SHANK2: variants seen among roughly 807,000 people sequenced by gnomAD.
SHANK2 encodes SH3 and multiple ankyrin repeat domains protein 2.
A neutral mutation model predicts 133.7 loss-of-function variants in SHANK2; 43 were observed. That is an observed-to-expected ratio of 0.32 (90% CI 0.25 to 0.41). The LOEUF (loss-of-function observed/expected upper bound fraction) is 0.41, where lower values mean the gene tolerates loss of function less well. SHANK2 is among the 10% of genes least tolerant of loss of function. The pLI is 1.00. For synonymous variants in SHANK2, 1,017 were observed against 952.8 expected (o/e 1.07, Z -1.24); for missense variants, 1,994 against 2,235.8 (o/e 0.89, Z 2.18).
At chr11:71,112,474 C>T (rs1951905043) in intron 5 of SHANK2, among the ~76,000 whole-genome samples, 1 of 152,198 alleles carries the variant, frequency 6.6e-6, no homozygotes, top group South Asian at 2.1e-4. Flanking sequence ...ATCCTGCTGG[C>T]TGAGAAAGCC....
At chr11:70,873,269 T>C in intron 11 of SHANK2, 1 of 389,362 alleles carries the variant, frequency 2.6e-6, no homozygotes, top group Non-Finnish European at 5.3e-6. Context: ...ATTAACATCC[T>C]CTGACAAAAC....
chr11:71,250,027 T>C (rs1555125570), intron 1 of SHANK2, among the ~76,000 whole-genome samples: 1 of 152,126 alleles, frequency 6.6e-6, no homozygotes, highest in Non-Finnish European at 1.5e-5. Context: ...ATGAAAATCT[T>C]GAAACTCACC....
intron 14 of SHANK2, among the ~76,000 whole-genome samples, chr11:70,742,936 CGGCTCCT>C (rs1256301805): frequency 6.6e-6 from 1 of 152,222 alleles, no homozygotes; most frequent in Non-Finnish European, 1.5e-5. Context: ...TTTGATGAGC[CGGCTCCT>C]GGCCTGGCGT....
At chr11:70,719,439 G>A (rs974143850) in intron 14 of SHANK2, among the ~76,000 whole-genome samples, 2 of 152,190 alleles carry the variant, frequency 1.3e-5, no homozygotes, top group Non-Finnish European at 2.9e-5. Context: ...GGTTGCTGGG[G>A]ATGAGGATGG....
chr11:70,806,125 G>A (rs533146032), intron 13 of SHANK2, among the ~76,000 whole-genome samples: 2 of 152,318 alleles, frequency 1.3e-5, no homozygotes, highest in South Asian at 4.1e-4. Flanking sequence ...GATTTGAACC[G>A]GGCCTACTGA....
At chr11:70,664,470 C>G (rs1002981361) in intron 15 of SHANK2, among the ~76,000 whole-genome samples, 7 of 152,196 alleles carry the variant, frequency 4.6e-5, no homozygotes, top group Admixed American at 1.3e-4. Context: ...TGACCGCCTC[C>G]CTGAAACCCT....
At chr11:71,250,512 G>T (rs1555125669) in intron 1 of SHANK2, among the ~76,000 whole-genome samples, 3 of 152,138 alleles carry the variant, frequency 2.0e-5, no homozygotes, top group Non-Finnish European at 4.4e-5. Flanking sequence ...AGACACGACG[G>T]CTTTCCCTCA....
At chr11:71,166,477 TTTTTC>T (rs1308047599) in intron 2 of SHANK2, among the ~76,000 whole-genome samples, 1 of 148,448 alleles carries the variant, frequency 6.7e-6, no homozygotes, top group African/African-American at 2.5e-5. Context: ...ACACGTCTTT[TTTTTC>T]TTTTCTTTTT....
intron 1 of SHANK2, among the ~76,000 whole-genome samples, chr11:71,245,723 C>A (rs1954952252): frequency 6.6e-6 from 1 of 152,236 alleles, no homozygotes; most frequent in Non-Finnish European, 1.5e-5. Flanking sequence ...AAGTCCAGAA[C>A]CAAGACGAGG....
At chr11:70,717,992 A>C (rs928592273) in intron 14 of SHANK2, among the ~76,000 whole-genome samples, 2 of 152,194 alleles carry the variant, frequency 1.3e-5, no homozygotes, top group Non-Finnish European at 2.9e-5. Flanking sequence ...CACAAGTTGT[A>C]AGCCCCAGAC....
intron 17 of SHANK2, among the ~76,000 whole-genome samples, chr11:70,597,915 A>C (rs531885191): frequency 1.3e-5 from 2 of 152,324 alleles, no homozygotes; most frequent in Non-Finnish European, 2.9e-5. Flanking sequence ...GGCAGGATCC[A>C]GACCCCTTCA....
chr11:70,609,110 G>A (rs1393229120), intron 17 of SHANK2, among the ~76,000 whole-genome samples: 1 of 152,222 alleles, frequency 6.6e-6, no homozygotes, highest in Non-Finnish European at 1.5e-5. Flanking sequence ...GTTTGTTCAC[G>A]GACCTGTGGC....
chr11:71,200,829 A>AAC (rs1181515704), intron 2 of SHANK2, among the ~76,000 whole-genome samples: 2 of 111,962 alleles, frequency 1.8e-5, no homozygotes, highest in East Asian at 5.7e-4. Flanking sequence ...AGTCTCAATT[A>AAC]ATACACACAC....
intron 1 of SHANK2, among the ~76,000 whole-genome samples, chr11:71,233,661 G>A (rs566116490): frequency 5.3e-5 from 8 of 152,276 alleles, no homozygotes; most frequent in Non-Finnish European, 8.8e-5. Flanking sequence ...TAAGAAATCC[G>A]CAACTGGGTT....
At chr11:70,543,124 G>A (rs1372305557) in intron 17 of SHANK2, among the ~76,000 whole-genome samples, 1 of 152,198 alleles carries the variant, frequency 6.6e-6, no homozygotes, top group Admixed American at 6.5e-5. Flanking sequence ...TGGAACTGCA[G>A]TTTGATGGCC....
At chr11:70,546,170 C>T (rs1222828469) in intron 17 of SHANK2, among the ~76,000 whole-genome samples, 1 of 142,360 alleles carries the variant, frequency 7.0e-6, no homozygotes, top group African/African-American at 2.7e-5. Context: ...AACTCCTGAT[C>T]TCAAGGAATC....
At chr11:70,903,237 C>T (rs1054371192) in intron 10 of SHANK2, among the ~76,000 whole-genome samples, 3 of 151,752 alleles carry the variant, frequency 2.0e-5, no homozygotes, top group African/African-American at 7.3e-5. Context: ...ATTAGCTGTG[C>T]GTGGTGGCTG....
chr11:71,224,487 T>C lies in SHANK2; in HGVS notation c.-13+210A>G, dbSNP rs567450788. 1.4e-3 allele frequency among the ~76,000 whole-genome samples: 211 copies of C among 152,310 alleles called. 1 individual carries two copies. The highest frequency in any genetic ancestry group is 4.8e-3 in the African/African-American group (199 of 41,578). The stretch of plus-strand genomic sequence containing the variant: ...GTCCAGTAGCCAGAGGCATAGTCCC[T>C]TTCATATCTCGCAAGGTCACACAAG... On this transcript the variant is annotated intron_variant, in intron 2 of 25. Transcript: ENST00000601538.
At chr11:71,163,276 G>A (rs1953065619) in intron 2 of SHANK2, among the ~76,000 whole-genome samples, 1 of 151,760 alleles carries the variant, frequency 6.6e-6, no homozygotes, top group African/African-American at 2.4e-5. Context: ...ACTTTTCTGT[G>A]TTTATAATGT....
Sources: gnomAD v4.1 joint callset for allele counts (sites outside exome capture counted in the v4.1 genomes callset) on GRCh38, gnomAD v4.1.1 for gene constraint, MANE v1.5 for transcripts, NCBI Gene and HGNC (gene_info 2026-07-23, HGNC 2026-07-21) for gene names.